RANBP2: variants seen among roughly 807,000 people sequenced by gnomAD.
RANBP2 encodes the protein RAN binding protein 2, also known as E3 SUMO-protein ligase RanBP2.
In RANBP2, 57 loss-of-function variants were observed where a neutral mutation model predicts 303.6. That is an observed-to-expected ratio of 0.19 (90% CI 0.15 to 0.23). The LOEUF is 0.23. Ranked by LOEUF, RANBP2 falls within the 10% of genes least tolerant of loss-of-function variation. The pLI is 1.00. For synonymous variants in RANBP2, 1,167 were observed against 1,301.5 expected (o/e 0.90, Z 2.23); for missense variants, 3,138 against 3,780.8 (o/e 0.83, Z 4.46).
At chr2:109,717,272 C>CAAAA in the RANBP2 span, among the ~76,000 whole-genome samples, 1 of 124,770 alleles carries the variant, frequency 8.0e-6, no homozygotes, top group Non-Finnish European at 1.6e-5. Context: ...AAAAACAAAC[C>CAAAA]AAAAAAAAAA....
At chr2:109,571,054 C>T in the RANBP2 span, among the ~76,000 whole-genome samples, 5 of 152,164 alleles carry the variant, frequency 3.3e-5, no homozygotes, top group Admixed American at 1.3e-4. Flanking sequence ...TGAGTTCTCA[C>T]GAGATCTGGT....
the RANBP2 span, chr2:109,614,529 G>GGCCCCGAGGCGGTGCTGC: frequency 7.9e-7 from 1 of 1,273,776 alleles, no homozygotes. Flanking sequence ...GGCGGCGCTG[G>GGCCCCGAGGCGGTGCTGC]GCCCCGAGGC....
the RANBP2 span, among the ~76,000 whole-genome samples, chr2:108,979,454 G>GTCTCTCTCTC: frequency 8.6e-6 from 1 of 116,382 alleles, no homozygotes; most frequent in Non-Finnish European, 1.7e-5. Context: ...CTCTGTCTCT[G>GTCTCTCTCTC]TCTCTCTCTC....
the RANBP2 span, among the ~76,000 whole-genome samples, chr2:108,962,710 G>T: frequency 1.3e-5 from 2 of 148,828 alleles, no homozygotes; most frequent in Non-Finnish European, 3.0e-5. Flanking sequence ...AAGAGAGAAA[G>T]GAATGCAATT....
the RANBP2 span, among the ~76,000 whole-genome samples, chr2:109,525,309 C>G: frequency 1.3e-5 from 2 of 152,086 alleles, no homozygotes; most frequent in Non-Finnish European, 2.9e-5. Context: ...CATGTGCCAC[C>G]ACGCCCAGCT....
the RANBP2 span, among the ~76,000 whole-genome samples, chr2:109,108,775 A>G: frequency 6.6e-6 from 1 of 152,176 alleles, no homozygotes; most frequent in African/African-American, 2.4e-5. Flanking sequence ...CGGTCCCCCA[A>G]AGCCCCTGTG....
chr2:109,393,881 T>C, the RANBP2 span, among the ~76,000 whole-genome samples: 1 of 151,410 alleles, frequency 6.6e-6, no homozygotes, highest in Admixed American at 6.6e-5. Context: ...TACTCCTTTT[T>C]TAAGAAAAAA....
At chr2:109,279,824 G>T in the RANBP2 span, among the ~76,000 whole-genome samples, 7 of 152,206 alleles carry the variant, frequency 4.6e-5, no homozygotes, top group African/African-American at 1.7e-4. Flanking sequence ...GATCTATCAG[G>T]AGTGTGGGGG....
the RANBP2 span, among the ~76,000 whole-genome samples, chr2:108,954,800 T>G: frequency 6.6e-6 from 1 of 151,982 alleles, no homozygotes; most frequent in African/African-American, 2.4e-5. Flanking sequence ...CTCAGCCTCC[T>G]GAGTAGCTAG....
chr2:109,243,967 T>A, the RANBP2 span, among the ~76,000 whole-genome samples: 3 of 152,234 alleles, frequency 2.0e-5, no homozygotes, highest in Non-Finnish European at 4.4e-5. Context: ...TTGGTGGTTC[T>A]GTTTGCCCTG....
At chr2:109,437,154 C>G in the RANBP2 span, 1 of 1,604,434 alleles carries the variant, frequency 6.2e-7, no homozygotes, top group Non-Finnish European at 8.5e-7. Flanking sequence ...CAGGTACCTT[C>G]ACAGGGGCCT....
chr2:109,645,834 A>C, the RANBP2 span, among the ~76,000 whole-genome samples: 1 of 152,260 alleles, frequency 6.6e-6, no homozygotes, highest in African/African-American at 2.4e-5. Context: ...ATGAGTGTTC[A>C]TTGTAATTAT....
chr2:109,408,782 A>G, the RANBP2 span, among the ~76,000 whole-genome samples: 7 of 152,372 alleles, frequency 4.6e-5, no homozygotes, highest in African/African-American at 1.7e-4. Context: ...ATGGATGCAC[A>G]GTTGGATGTG....
At chr2:109,693,785 A>G in the RANBP2 span, among the ~76,000 whole-genome samples, 1 of 152,156 alleles carries the variant, frequency 6.6e-6, no homozygotes, top group Non-Finnish European at 1.5e-5. Flanking sequence ...TTGATGTCTC[A>G]TGTCTCCCTA....
the RANBP2 span, among the ~76,000 whole-genome samples, chr2:109,464,721 T>C: frequency 1.3e-5 from 2 of 152,220 alleles, no homozygotes; most frequent in Non-Finnish European, 1.5e-5. Context: ...AGTCCTCATA[T>C]ACTCCCTGCT....
At chr2:109,513,116 C>T in the RANBP2 span, among the ~76,000 whole-genome samples, 1 of 152,182 alleles carries the variant, frequency 6.6e-6, no homozygotes, top group African/African-American at 2.4e-5. Context: ...CCATGCCACC[C>T]CAGCTCCTTC....
the RANBP2 span, among the ~76,000 whole-genome samples, chr2:108,824,251 ACT>A: frequency 1.1e-4 from 17 of 151,986 alleles, no homozygotes; most frequent in Non-Finnish European, 1.5e-4. Context: ...TAACTTTTTG[ACT>A]CTGTAATATT....
chr2:109,078,946 G>A, the RANBP2 span, among the ~76,000 whole-genome samples: 26 of 151,838 alleles, frequency 1.7e-4, no homozygotes, highest in Middle Eastern at 3.4e-3. Context: ...AGCCGAGATC[G>A]CACAATTGCT....
Position 108,745,636 on chromosome 2 carries a change from A to C in RANBP2, c.976-1075A>C, listed in dbSNP as rs189197016. Among the ~76,000 whole-genome samples the C allele has an allele frequency of 3.2e-3, 484 of 150,476 alleles. 3 individuals are homozygous for C. Among genetic ancestry groups the C allele is most frequent in the African/African-American group, 0.011 (442 of 40,930 alleles). On this transcript the variant is annotated intron_variant, in intron 7 of 28. Coordinates refer to ENST00000283195, the MANE Select transcript of RANBP2 (RefSeq NM_006267.5). The stretch of plus-strand genomic sequence containing the variant: ...TAGGTTATTGCATGAGGATCTCTTT[A>C]ATTTCCTGGTTGTCCCATTTATTCC...
Sources: gnomAD v4.1 joint callset for allele counts (sites outside exome capture counted in the v4.1 genomes callset) on GRCh38, gnomAD v4.1.1 for gene constraint, MANE v1.5 for transcripts, NCBI Gene and HGNC (gene_info 2026-07-23, HGNC 2026-07-21) for gene names.